Variants in NPHP3 observed in about 807,000 individuals in gnomAD.
NPHP3 encodes nephrocystin 3.
Under a neutral mutation model 171.9 loss-of-function variants are expected in NPHP3, and 123 were observed. The observed-to-expected ratio is 0.72, with a 90% CI of 0.62 to 0.83. NPHP3 has a LOEUF of 0.83. Among genes scored for constraint, NPHP3 ranks in the 40% least tolerant of loss-of-function variants. NPHP3 has a pLI of 0.00. For synonymous variants in NPHP3, 558 were observed against 579.2 expected (o/e 0.96, Z 0.52); for missense variants, 1,506 against 1,591.9 (o/e 0.95, Z 0.92).
intron 9 of NPHP3, 113 bp downstream of exon 9, chr3:132,704,085 A>C: frequency 3.7e-6 from 4 of 1,067,596 alleles, no homozygotes; most frequent in Non-Finnish European, 5.8e-6. Flanking sequence ...AAGCCATGAG[A>C]TTAGACAACT....
rs142084136 is a variant in NPHP3 at position 132,691,265 on chromosome 3, C to G, written c.2497G>C (p.Glu833Gln). Reference sequence around the variant, plus strand: ...GTAACAGTGGGGCCTTCCAGGTACTCCAATCTCACTGTTTCCCAAGCCTAG... The same window carrying G: ...GTAACAGTGGGGCCTTCCAGGTACTGCAATCTCACTGTTTCCCAAGCCTAG... ...HLQAWETVRL[E>Q]YLEGPTVTSS... is the part of the protein sequence containing the mutation. Residue 833 changes from glutamate to glutamine, a missense_variant, in exon 18 of 27, where the codon GAG (glutamate) becomes CAG (glutamine). Coordinates refer to ENST00000337331, the MANE Select transcript of NPHP3 (RefSeq NM_153240.5). 252 of 1,612,764 alleles carry G rather than the reference C, an allele frequency of 1.6e-4. No individual in the cohort carries two copies. Among genetic ancestry groups the G allele is most frequent in the Non-Finnish European group, 2.0e-4 (239 of 1,179,072 alleles).
intron 9 of NPHP3, among the ~76,000 whole-genome samples, chr3:132,702,287 T>C (rs1450418415): frequency 6.6e-6 from 1 of 151,980 alleles, no homozygotes; most frequent in Non-Finnish European, 1.5e-5. Context: ...CACCTCAGTT[T>C]CTGGGGGTGA....
chr3:132,706,203 CA>C (rs1157902991), intron 7 of NPHP3, among the ~76,000 whole-genome samples: 1 of 151,842 alleles, frequency 6.6e-6, no homozygotes, highest in Non-Finnish European at 1.5e-5. Flanking sequence ...ACTAAAAATA[CA>C]AAAAATTAGC....
At chr3:132,706,216 G>A (rs528684165) in intron 7 of NPHP3, among the ~76,000 whole-genome samples, 52 of 151,998 alleles carry the variant, frequency 3.4e-4, no homozygotes, top group African/African-American at 1.2e-3. Context: ...AAAATTAGCC[G>A]GGCGTGGTGG....
intron 8 of NPHP3, among the ~76,000 whole-genome samples, chr3:132,705,306 C>A (rs1485172150): frequency 6.6e-6 from 1 of 152,136 alleles, no homozygotes; most frequent in Non-Finnish European, 1.5e-5. Context: ...CAAGGCCCCT[C>A]CCTGGTCCAT....
At chr3:132,709,276 T>C (rs918742667) in intron 6 of NPHP3, among the ~76,000 whole-genome samples, 1 of 76,110 alleles carries the variant, frequency 1.3e-5, no homozygotes, top group Admixed American at 1.3e-4. Flanking sequence ...CTCTCCCTTT[T>C]TTTTTTTTTT....
rs1939687929 is a variant in NPHP3 at position 132,704,195 on chromosome 3, T to TA, written c.1524+2dup. On this transcript the variant is annotated splice_region_variant and intron_variant, in intron 9 of 26. Transcript: ENST00000337331. Reference sequence around the variant, plus strand: ...TTGTTGCAATAATACTCCAAGCACTTACTTTCTCAAATCCCAACTCATGGG... The same window carrying TA: ...TTGTTGCAATAATACTCCAAGCACTTAACTTTCTCAAATCCCAACTCATGGG... 2 of 1,613,998 alleles carry TA rather than the reference T, an allele frequency of 1.2e-6. No homozygotes were observed. The highest frequency in any genetic ancestry group is 2.2e-5 in the East Asian group (1 of 44,892).
chr3:132,695,869 A>AGTT (rs1440279025), intron 15 of NPHP3, among the ~76,000 whole-genome samples: 26 of 152,284 alleles, frequency 1.7e-4, no homozygotes, highest in African/African-American at 6.3e-4. Flanking sequence ...GGGAGGCAGA[A>AGTT]GTTACAGTGA....
intron 16 of NPHP3, 63 bp downstream of exon 16, chr3:132,694,764 A>G (rs753259435): frequency 3.2e-4 from 496 of 1,567,912 alleles, no homozygotes; most frequent in Non-Finnish European, 4.0e-4. Flanking sequence ...ATTGTTATTT[A>G]TTTCCATTCA....
intron 13 of NPHP3, among the ~76,000 whole-genome samples, chr3:132,698,480 T>A (rs1939517024): frequency 6.6e-6 from 1 of 152,098 alleles, no homozygotes; most frequent in African/African-American, 2.4e-5. Flanking sequence ...TTTCACCATG[T>A]TGGCCAGGTT....
chr3:132,698,150 T>A (rs1029998021), intron 13 of NPHP3, among the ~76,000 whole-genome samples: 1 of 152,122 alleles, frequency 6.6e-6, no homozygotes, highest in African/African-American at 2.4e-5. Flanking sequence ...CCTGGCTAAT[T>A]TTTTATATTT....
At chr3:132,690,764 T>A in intron 18 of NPHP3, 114 bp from the exon 19 acceptor site, 1 of 1,059,396 alleles carries the variant, frequency 9.4e-7, no homozygotes, top group Non-Finnish European at 1.4e-6. Flanking sequence ...TCTGATTCTT[T>A]AAGTATAATT....
intron 3 of NPHP3, chr3:132,717,498 T>C (rs1267495896): frequency 6.5e-6 from 1 of 153,190 alleles, no homozygotes; most frequent in Non-Finnish European, 1.5e-5. Context: ...GAGCTAAATC[T>C]CTGGCAAAAC....
intron 9 of NPHP3, among the ~76,000 whole-genome samples, chr3:132,703,706 A>T (rs1345503196): frequency 6.6e-6 from 1 of 151,706 alleles, no homozygotes; most frequent in Non-Finnish European, 1.5e-5. Flanking sequence ...CAGCCTCCCA[A>T]GTAGCTGGGA....
rs1939003983 is a variant in NPHP3 at position 132,680,763 on chromosome 3, T to G, written c.*1147A>C. The G allele has an allele frequency of 6.6e-6, 1 of 152,158 alleles. No homozygotes were observed. 9.4% of individuals were successfully genotyped at this position (152,158 alleles called of 1,614,324 possible). A position where few individuals can be genotyped will look rare whatever the true frequency, so the allele number is the denominator to read the frequency against. ...TGGTCCAAAACAATATCTAAAATGT[T>G]GCAATATTTATAAAATCCATAAAAA... On this transcript the variant is annotated 3_prime_UTR_variant, in exon 27 of 27. Transcript: ENST00000337331.
chr3:132,703,454 AAAG>A (rs1211872000), intron 9 of NPHP3, among the ~76,000 whole-genome samples: 35 of 152,322 alleles, frequency 2.3e-4, no homozygotes, highest in African/African-American at 8.4e-4. Flanking sequence ...TAAGACTGAT[AAAG>A]AAGGACTTAT....
Position 132,696,747 on chromosome 3 carries a change from C to T in NPHP3, c.2155G>A (p.Gly719Ser), listed in dbSNP as rs369022568. 2.0e-5 allele frequency: 32 copies of T among 1,613,988 alleles called. No homozygotes were observed. In the African/African-American group the frequency reaches 2.4e-4, roughly 12 times the overall value. Residue 719 changes from glycine to serine, a missense_variant, in exon 15 of 27, where the codon GGC becomes AGC. This residue lies in a region of NPHP3 where 930 missense variants were observed against 924.9 expected (regional missense o/e 1.01). Transcript: ENST00000337331. ...TCNALYVTLF[G>S]KMIARAGRAG... is the part of the protein sequence containing the mutation. ...ACCACTCACCGCGCGATCATTTTGC[C>T]GAAAAGGGTGACATAAAGGGCATTG...
At chr3:132,716,491 TA>T (rs1426634197) in intron 4 of NPHP3, among the ~76,000 whole-genome samples, 1 of 152,200 alleles carries the variant, frequency 6.6e-6, no homozygotes, top group African/African-American at 2.4e-5. Flanking sequence ...GCTGCTCAAC[TA>T]AAACACCAGA....
chr3:132,694,926 C>T lies in NPHP3; in HGVS notation c.2211G>A (p.Gln737=), dbSNP rs753865043. The part of the protein sequence containing the change: ...RAGNLDKILH[Q]CFQCQDTLSL... ...AAAGAGTATCTTGACACTGGAAACA[C>T]TGATGAAGGATTTTATCTAAATTGC... The change falls in exon 16 of 27, where the codon CAG becomes CAA. Residue 737 remains glutamine, a synonymous_variant. Transcript: ENST00000337331. 5 of 1,613,826 alleles carry T rather than the reference C, an allele frequency of 3.1e-6. No homozygotes were observed. Among genetic ancestry groups the T allele is most frequent in the Non-Finnish European group, 8.5e-7 (1 of 1,179,898 alleles).
Sources: allele counts gnomAD v4.1 joint callset (sites outside exome capture counted in the v4.1 genomes callset), GRCh38; gene constraint gnomAD v4.1.1; regional missense constraint gnomAD v4.1.1; transcripts MANE v1.5; gene names NCBI Gene and HGNC (gene_info 2026-07-23, HGNC 2026-07-21).